The following CUL9 variants were observed in gnomAD, a reference collection of about 807,000 sequenced individuals.
CUL9 encodes cullin 9.
CUL9 carries 79 observed loss-of-function variants against 272.6 expected under a neutral mutation model. The ratio of observed to expected loss-of-function variants is 0.29; its 90% CI spans 0.24 to 0.35. The LOEUF is 0.35. CUL9 is among the 10% of genes least tolerant of loss of function. The probability of loss-of-function intolerance (pLI) is 1.00; values close to 1 mark genes in which losing one functional copy is unlikely to be tolerated. For synonymous variants in CUL9, 1,186 were observed against 1,286.5 expected, an observed-to-expected ratio of 0.92 and a Z score of 1.67; for missense variants, 2,532 against 3,255.6, an observed-to-expected ratio of 0.78 and a Z score of 5.41.
rs765300126 is a variant in CUL9 at position 43,203,455 on chromosome 6, G to A, written c.3888G>A (p.Leu1296=). 1 of 1,614,178 alleles carries A rather than the reference G, an allele frequency of 6.2e-7. No individual in the cohort carries two copies. Among genetic ancestry groups the A allele is most frequent in the East Asian group, 2.2e-5 (1 of 44,884 alleles). ...IDTRVRGVEV[L]GPKPTFWPLF... The stretch of plus-strand genomic sequence containing the variant: ...CCCGGGTTCGGGGTGTGGAGGTCCT[G>A]GGCCCTAAGCCCACATTCTGGCCAC... Residue 1296 remains leucine (L), a synonymous_variant, in exon 19 of 41, where the codon CTG becomes CTA. Transcript: ENST00000252050. The surrounding 1 kb of genome is among the most constrained non-coding windows in gnomAD (Gnocchi z 5.0).
chr6:43,203,732 G>A lies in CUL9; in HGVS notation c.4026-122G>A. 1 of 1,512,698 alleles carries A rather than the reference G, an allele frequency of 6.6e-7. No homozygotes were observed. Among genetic ancestry groups the A allele is most frequent in the Non-Finnish European group, 8.9e-7 (1 of 1,122,648 alleles). 93.7% of individuals were successfully genotyped at this position (1,512,698 alleles called of 1,614,324 possible). Reference sequence around the variant, plus strand: ...AGGTGAACGTAGGTGAGAAGTTTGTGTTAATTGGGAAAAGTTGGGTCAGGG... The same window carrying A: ...AGGTGAACGTAGGTGAGAAGTTTGTATTAATTGGGAAAAGTTGGGTCAGGG... On this transcript the variant is annotated intron_variant, in intron 19 of 40. Transcript: ENST00000252050. The surrounding 1 kb of genome is among the most constrained non-coding windows in gnomAD (Gnocchi z 5.0).
At position 43,196,945 on chromosome 6, in the gene CUL9, C is replaced by T; in HGVS notation, c.2803+83C>T. On this transcript the variant is annotated intron_variant, in intron 11 of 40. Transcript: ENST00000252050. ...ATATCAGCTCCTTACTGGAAAGATA[C>T]AAGGAAACTTCAGGAAATGAGCAAG... 4.3e-6 allele frequency: 5 copies of T among 1,170,608 alleles called. No homozygotes were observed. The South Asian group carries it at 6.8e-5, about 16-fold the overall frequency. 72.5% of individuals were successfully genotyped at this position (1,170,608 alleles called of 1,614,324 possible).
At chr6:43,205,829 CAAA>C (rs752924474) in intron 24 of CUL9, among the ~76,000 whole-genome samples, 175 bp from the exon 25 acceptor site, 3 of 80,086 alleles carry the variant, frequency 3.7e-5, no homozygotes, top group Admixed American at 1.3e-4. Flanking sequence ...GACTCCGTCT[CAAA>C]AAAAAAAAAA....
intron 11 of CUL9, among the ~76,000 whole-genome samples, chr6:43,197,314 G>A (rs1205663788): frequency 6.6e-6 from 1 of 151,884 alleles, no homozygotes; most frequent in African/African-American, 2.4e-5. Flanking sequence ...CCAAAGTGCT[G>A]GGATTGCAGG....
rs1041413786 is a variant in CUL9 at position 43,210,987 on chromosome 6, T to C, written c.5213-2162T>C. Among the ~76,000 whole-genome samples, 3 of 152,222 alleles carry C rather than the reference T, an allele frequency of 2.0e-5. No individual in the cohort carries two copies. In the South Asian group the frequency reaches 6.2e-4, roughly 31 times the overall value. On this transcript the variant is annotated intron_variant, in intron 26 of 40. Transcript: ENST00000252050. Reference sequence around the variant, plus strand: ...AACTTAGGCATTCTATTTCTATAACTGAATACCCTTGTATTTTTAACCTGC... The same window carrying C: ...AACTTAGGCATTCTATTTCTATAACCGAATACCCTTGTATTTTTAACCTGC...
intron 1 of CUL9, among the ~76,000 whole-genome samples, chr6:43,183,716 T>C (rs1253696065): frequency 4.6e-5 from 7 of 151,560 alleles, no homozygotes; most frequent in Non-Finnish European, 1.0e-4. Flanking sequence ...CTTCCTTCCT[T>C]CCTTCCTTCC....
chr6:43,205,722 G>A (rs998057596), intron 24 of CUL9, among the ~76,000 whole-genome samples: 1 of 152,118 alleles, frequency 6.6e-6, no homozygotes, highest in African/African-American at 2.4e-5. Flanking sequence ...CCAGCTATTC[G>A]GGAGGGTGAG....
Position 43,186,943 on chromosome 6 carries a change from T to G in CUL9, c.1252-17T>G, listed in dbSNP as rs775950923. 1.2e-6 allele frequency: 2 copies of G among 1,613,100 alleles called. No homozygotes were observed. Among genetic ancestry groups the G allele is most frequent in the African/African-American group, 1.3e-5 (1 of 74,910 alleles). ...AGCCTTCTCTATTCTGCTCTCTTTC[T>G]TCCTCCCTCATACCAGGTTTTCTGG... On this transcript the variant is annotated splice_polypyrimidine_tract_variant and intron_variant, in intron 4 of 40. Coordinates refer to ENST00000252050, the MANE Select transcript of CUL9 (RefSeq NM_015089.4).
rs148279789 is a variant in CUL9, at chr6:43,213,211, C to T, written c.5275C>T (p.Arg1759Trp). The T allele has an allele frequency of 7.5e-4, 1,213 of 1,613,984 alleles. 2 individuals are homozygous for T. The highest frequency in any genetic ancestry group is 9.9e-4 in the Non-Finnish European group (1,163 of 1,180,014). ...GCGACTGCAGTGGACGTGGCTGGGC[C>T]GGGCTGAGCTGCAGTTTGGGAAGCA... ...HRRLQWTWLG[R>W]AELQFGKQIL... Residue 1759 changes from arginine to tryptophan, a missense_variant, in exon 27 of 41, where the codon CGG (arginine) becomes TGG (tryptophan). Physicochemically the swap from Arg to Trp is moderately radical, Grantham distance 101. Around this residue, in one of 3 missense-constraint regions of CUL9, gnomAD observed 2,218 missense variants for 2,788.6 expected, o/e 0.80. Coordinates refer to ENST00000252050, the MANE Select transcript of CUL9 (RefSeq NM_015089.4). This position sits in a 1 kb window ranked among gnomAD's most constrained non-coding sequence, Gnocchi z 5.7.
Position 43,221,611 on chromosome 6 carries a change from A to G in CUL9, c.6753-74A>G. ...GAGGCCACAGCATCAACAGCGGTACATCTGGGCCCTTGGCATTCCTGGCAC... is the reference window on the plus strand; with the variant it reads ...GAGGCCACAGCATCAACAGCGGTACGTCTGGGCCCTTGGCATTCCTGGCAC... On this transcript the variant is annotated intron_variant, in intron 34 of 40. Coordinates refer to ENST00000252050, the MANE Select transcript of CUL9 (RefSeq NM_015089.4). This position sits in a 1 kb window ranked among gnomAD's most constrained non-coding sequence, Gnocchi z 4.2. 3 of 1,373,000 alleles carry G rather than the reference A, an allele frequency of 2.2e-6. No individual in the cohort carries two copies. Among genetic ancestry groups the G allele is most frequent in the Non-Finnish European group, 3.1e-6 (3 of 974,484 alleles). The allele number at this position is 1,373,000 out of a possible 1,614,324, so 85.1% of individuals were successfully genotyped here. A position where few individuals can be genotyped will look rare whatever the true frequency, so the allele number is the denominator to read the frequency against.
chr6:43,198,284 A>G, intron 11 of CUL9: 3 of 984,510 alleles, frequency 3.0e-6, no homozygotes, highest in Non-Finnish European at 2.4e-6. Context: ...TGTGTACCTA[A>G]AGCCACCATG....
intron 1 of CUL9, among the ~76,000 whole-genome samples, chr6:43,182,649 C>A (rs1772502850): frequency 6.6e-6 from 1 of 152,074 alleles, no homozygotes; most frequent in Non-Finnish European, 1.5e-5. Flanking sequence ...TCGCTGGCTA[C>A]CATCCAGGCT....
intron 26 of CUL9, among the ~76,000 whole-genome samples, chr6:43,210,545 T>G (rs1775394069): frequency 6.6e-6 from 1 of 152,226 alleles, no homozygotes; most frequent in Non-Finnish European, 1.5e-5. Flanking sequence ...GGGAGATACT[T>G]TAAAATCATG....
At chr6:43,192,468 C>T (rs767870989) in intron 8 of CUL9, among the ~76,000 whole-genome samples, 13 of 152,260 alleles carry the variant, frequency 8.5e-5, no homozygotes, top group South Asian at 2.1e-4. Flanking sequence ...GCCAGGAGTT[C>T]GAGACCAGTC....
Position 43,203,643 on chromosome 6 carries a change from G to A in CUL9, c.4025+51G>A, listed in dbSNP as rs373810263. On this transcript the variant is annotated intron_variant, in intron 19 of 40. Transcript: ENST00000252050. The surrounding 1 kb of genome is among the most constrained non-coding windows in gnomAD (Gnocchi z 5.0). ...TGGGTAAGGGAACAGGACACTGTGAGAAGTAGGAGGGATGCTCCTGTGGGA... is the reference window on the plus strand; with the variant it reads ...TGGGTAAGGGAACAGGACACTGTGAAAAGTAGGAGGGATGCTCCTGTGGGA... 5.7e-5 allele frequency: 90 copies of A among 1,580,212 alleles called. No individual in the cohort carries two copies. In the African/African-American group the frequency reaches 8.7e-4, roughly 15 times the overall value.
At chr6:43,217,277 A>G (rs1205691663) in intron 31 of CUL9, among the ~76,000 whole-genome samples, 1 of 152,140 alleles carries the variant, frequency 6.6e-6, no homozygotes, top group Non-Finnish European at 1.5e-5. Context: ...GGATCACCTG[A>G]GCCTGGGAGG....
In CUL9 at chr6:43,185,436, G is replaced by A. The variant is rs200174485; in HGVS notation, c.596-20G>A. On this transcript the variant is annotated intron_variant, in intron 2 of 40. Transcript: ENST00000252050. ...GTACTGGGGATTGAGGAGAAGATAT[G>A]GATTGGGTATGGATTACAGGGAGTC... The A allele has an allele frequency of 2.5e-6, 4 of 1,610,244 alleles. No individual in the cohort carries two copies. The highest frequency in any genetic ancestry group is 4.5e-5 in the East Asian group (2 of 44,838).
At chr6:43,196,603 C>A (rs751585300) in intron 10 of CUL9, 42 bp from the exon 11 acceptor site, 1 of 1,525,240 alleles carries the variant, frequency 6.6e-7, no homozygotes, top group South Asian at 1.1e-5. Context: ...CCATTGCATT[C>A]ATGGTCTCTC....
At chr6:43,191,308 T>G (rs541438931) in intron 8 of CUL9, among the ~76,000 whole-genome samples, 1 of 141,004 alleles carries the variant, frequency 7.1e-6, no homozygotes, top group South Asian at 2.1e-4. Flanking sequence ...TGTTTTTTTT[T>G]TTGTTTGTTT....
Sources: gnomAD v4.1 joint callset for allele counts (sites outside exome capture counted in the v4.1 genomes callset) on GRCh38, gnomAD v4.1.1 for gene constraint, gnomAD v4.1.1 regional missense constraint, Gnocchi (gnomAD v3.1) non-coding constraint, MANE v1.5 for transcripts, NCBI Gene and HGNC (gene_info 2026-07-23, HGNC 2026-07-21) for gene names.